Variants in STXBP5L observed in about 807,000 individuals in gnomAD.
The protein encoded by STXBP5L is syntaxin binding protein 5L.
Under a neutral mutation model 144.5 loss-of-function variants are expected in STXBP5L, and 65 were observed. That is an observed-to-expected ratio of 0.45 (90% CI 0.37 to 0.55). The LOEUF is 0.55. Among genes scored for constraint, STXBP5L ranks in the 20% least tolerant of loss-of-function variants. The pLI is 0.00. For missense variants in STXBP5L, 1,298 were observed against 1,405.5 expected, an observed-to-expected ratio of 0.92 and a Z score of 1.22; for synonymous variants, 505 against 469.6, an observed-to-expected ratio of 1.08 and a Z score of -0.97.
intron 19 of STXBP5L, among the ~76,000 whole-genome samples, chr3:121,299,024 A>C (rs190695910): frequency 4.9e-4 from 74 of 152,240 alleles, no homozygotes; most frequent in African/African-American, 1.8e-3. Context: ...GGTAACAATC[A>C]CCAACACAAC....
At chr3:121,282,591 A>G (rs1343122282) in intron 19 of STXBP5L, among the ~76,000 whole-genome samples, 2 of 151,966 alleles carry the variant, frequency 1.3e-5, no homozygotes, top group Non-Finnish European at 2.9e-5. Context: ...ACCATGTCCT[A>G]CTATTCCAAG....
chr3:121,072,554 A>T (rs1421424039), intron 5 of STXBP5L, among the ~76,000 whole-genome samples: 1 of 152,166 alleles, frequency 6.6e-6, no homozygotes, highest in Non-Finnish European at 1.5e-5. Context: ...TTCCACTAAC[A>T]TCCTTTCTGG....
chr3:120,920,476 T>TG (rs1331592215), intron 2 of STXBP5L, among the ~76,000 whole-genome samples: 37 of 151,856 alleles, frequency 2.4e-4, no homozygotes, highest in African/African-American at 8.9e-4. Flanking sequence ...TCACCTTAAA[T>TG]ATTTGTCTTT....
rs72966152 is a variant in STXBP5L at position 121,139,543 on chromosome 3, T to C, written c.670-12934T>C. ...AGGCAATGTGGCTCAGAGTCAATGCTCTTAACAATCACACTATAAGAACAG... is the reference window on the plus strand; with the variant it reads ...AGGCAATGTGGCTCAGAGTCAATGCCCTTAACAATCACACTATAAGAACAG... On this transcript the variant is annotated intron_variant, in intron 7 of 26. Coordinates refer to ENST00000471454, the MANE Select transcript of STXBP5L (RefSeq NM_001308330.2). Among the ~76,000 whole-genome samples the C allele has an allele frequency of 2.5e-3, 381 of 152,162 alleles. 2 individuals are homozygous for C. The highest frequency in any genetic ancestry group is 8.6e-3 in the African/African-American group (358 of 41,560).
chr3:121,049,937 G>A (rs572779465), intron 5 of STXBP5L, among the ~76,000 whole-genome samples: 1 of 152,112 alleles, frequency 6.6e-6, no homozygotes, highest in Non-Finnish European at 1.5e-5. Context: ...GAAATCTCCT[G>A]ATCCTGAGTC....
At chr3:121,048,728 C>G (rs6438599) in intron 5 of STXBP5L, among the ~76,000 whole-genome samples, 2 of 151,240 alleles carry the variant, frequency 1.3e-5, no homozygotes, top group African/African-American at 4.9e-5. Context: ...CTCTATTGCC[C>G]AGGCTGGAGT....
In STXBP5L at chr3:121,378,867, T is replaced by C. The variant is rs1476580719; in HGVS notation, c.2328T>C (p.Ser776=). The C allele has an allele frequency of 1.2e-6, 2 of 1,613,350 alleles. No homozygotes were observed. Among genetic ancestry groups the C allele is most frequent in the South Asian group, 1.1e-5 (1 of 91,004 alleles). Residue 776 remains serine (S), a synonymous_variant, in exon 21 of 27, where the codon TCT becomes TCC. Transcript: ENST00000471454. The stretch of plus-strand genomic sequence containing the variant: ...AGTCAGCAGCCTGCATGGAGATTTC[T>C]TTACCAGTTACAACAGAAGGTATGT... ...KAQSAACMEI[S]LPVTTEENRE... is the part of the protein sequence containing the mutation.
At chr3:121,046,268 T>C (rs1410152315) in intron 5 of STXBP5L, among the ~76,000 whole-genome samples, 1 of 152,190 alleles carries the variant, frequency 6.6e-6, no homozygotes, top group African/African-American at 2.4e-5. Context: ...AGTTTGCTAG[T>C]ATTTTGTTGA....
At chr3:121,091,657 C>T (rs1198162530) in intron 5 of STXBP5L, among the ~76,000 whole-genome samples, 6 of 152,054 alleles carry the variant, frequency 3.9e-5, no homozygotes, top group African/African-American at 7.2e-5. Flanking sequence ...TTGAGTTCAT[C>T]ATAGATTCTG....
At chr3:121,223,446 C>T (rs1174479994) in intron 11 of STXBP5L, among the ~76,000 whole-genome samples, 3 of 152,126 alleles carry the variant, frequency 2.0e-5, no homozygotes, top group Non-Finnish European at 4.4e-5. Context: ...GGTGAAATCA[C>T]TTGGGGAAGC....
At chr3:120,978,288 A>T (rs540806403) in intron 3 of STXBP5L, among the ~76,000 whole-genome samples, 2 of 151,956 alleles carry the variant, frequency 1.3e-5, no homozygotes, top group South Asian at 4.2e-4. Flanking sequence ...ACTACATTTC[A>T]TTCATTTCAT....
chr3:121,069,992 G>A (rs1028611291), intron 5 of STXBP5L, among the ~76,000 whole-genome samples: 3 of 152,122 alleles, frequency 2.0e-5, no homozygotes, highest in African/African-American at 7.2e-5. Context: ...TTGATAAGTT[G>A]TGTCATGATT....
chr3:121,144,223 T>C (rs1444010010), intron 7 of STXBP5L, among the ~76,000 whole-genome samples: 2 of 151,540 alleles, frequency 1.3e-5, no homozygotes, highest in Non-Finnish European at 3.0e-5. Flanking sequence ...GTCTATACTA[T>C]AAAGCATGTG....
chr3:121,275,895 T>C (rs1391932749), intron 18 of STXBP5L, among the ~76,000 whole-genome samples: 1 of 152,120 alleles, frequency 6.6e-6, no homozygotes, highest in Non-Finnish European at 1.5e-5. Context: ...TTTCGCTTTA[T>C]ATTTAAAGTG....
At chr3:120,934,097 T>C (rs990284727) in intron 2 of STXBP5L, among the ~76,000 whole-genome samples, 7 of 151,470 alleles carry the variant, frequency 4.6e-5, no homozygotes, top group African/African-American at 1.2e-4. Context: ...TTTTCTTTTT[T>C]TTTTTTTCAT....
intron 3 of STXBP5L, among the ~76,000 whole-genome samples, chr3:121,004,085 A>G (rs1348036145): frequency 3.3e-5 from 5 of 152,162 alleles, no homozygotes; most frequent in Admixed American, 3.3e-4. Context: ...AATTCTGTGA[A>G]GAAAGTCATT....
At chr3:120,964,621 C>T (rs561330815) in intron 3 of STXBP5L, among the ~76,000 whole-genome samples, 1 of 152,276 alleles carries the variant, frequency 6.6e-6, no homozygotes, top group East Asian at 1.9e-4. Context: ...TTTGATTGCA[C>T]TGTGGTCTGA....
chr3:121,240,765 T>C (rs1284629442), intron 14 of STXBP5L, among the ~76,000 whole-genome samples: 2 of 152,188 alleles, frequency 1.3e-5, no homozygotes, highest in Non-Finnish European at 2.9e-5. Context: ...ATATTAGTCT[T>C]CATGGAAATC....
intron 9 of STXBP5L, among the ~76,000 whole-genome samples, chr3:121,186,910 A>G (rs1478236277): frequency 6.6e-6 from 1 of 152,120 alleles, no homozygotes; most frequent in East Asian, 1.9e-4. Context: ...AAAGTCAGGA[A>G]ACAACAGGTG....
Sources: gnomAD v4.1 joint callset for allele counts (sites outside exome capture counted in the v4.1 genomes callset) on GRCh38, gnomAD v4.1.1 for gene constraint, MANE v1.5 for transcripts, NCBI Gene and HGNC (gene_info 2026-07-23, HGNC 2026-07-21) for gene names.